The following PLXDC2 variants were observed in gnomAD, a reference collection of about 807,000 sequenced individuals.
The protein encoded by PLXDC2 is plexin domain-containing protein 2.
A neutral mutation model predicts 68.9 loss-of-function variants in PLXDC2; 40 were observed. That is an observed-to-expected ratio of 0.58 (90% CI 0.45 to 0.76). The LOEUF (loss-of-function observed/expected upper bound fraction) is 0.76. Among genes scored for constraint, PLXDC2 ranks in the 30% least tolerant of loss-of-function variants. The probability of loss-of-function intolerance (pLI) is 0.00; values close to 1 mark genes in which losing one functional copy is unlikely to be tolerated. For synonymous variants in PLXDC2, 243 were observed against 234.2 expected (o/e 1.04, Z -0.34); for missense variants, 644 against 661.9 (o/e 0.97, Z 0.30).
chr10:20,022,013 G>T (rs1835320183), intron 2 of PLXDC2, among the ~76,000 whole-genome samples: 1 of 152,164 alleles, frequency 6.6e-6, no homozygotes, highest in South Asian at 2.1e-4. Context: ...TTATTTTGTA[G>T]ACATCTGCTT....
At chr10:19,891,184 T>C (rs1375386600) in intron 1 of PLXDC2, among the ~76,000 whole-genome samples, 1 of 152,214 alleles carries the variant, frequency 6.6e-6, no homozygotes, top group Non-Finnish European at 1.5e-5. Context: ...TATGCTGCAT[T>C]GTCCTTAAAA....
At chr10:20,039,635 G>T (rs1042437288) in intron 2 of PLXDC2, among the ~76,000 whole-genome samples, 1 of 151,778 alleles carries the variant, frequency 6.6e-6, no homozygotes, top group South Asian at 2.1e-4. Flanking sequence ...ATATGTTGGC[G>T]GTTTGATTAA....
At chr10:20,139,440 A>T (rs934754617) in intron 4 of PLXDC2, among the ~76,000 whole-genome samples, 1 of 152,254 alleles carries the variant, frequency 6.6e-6, no homozygotes, top group Non-Finnish European at 1.5e-5. Context: ...CATAGTAAGC[A>T]AAGGAGACAT....
At chr10:20,121,992 A>G (rs556763942) in intron 4 of PLXDC2, among the ~76,000 whole-genome samples, 2 of 152,084 alleles carry the variant, frequency 1.3e-5, no homozygotes, top group South Asian at 2.1e-4. Context: ...GAGTAGAGGT[A>G]TCTTATACTT....
rs181204571 is a variant in PLXDC2 at position 19,883,430 on chromosome 10, A to T, written c.112+66239A>T. The stretch of plus-strand genomic sequence containing the variant: ...TCACTATGCAGATTATTTTGTCCAG[A>T]TTTAATATTCATAGCATGAAATTCA... On this transcript the variant is annotated intron_variant, in intron 1 of 13. Transcript: ENST00000377252. 9.7e-4 allele frequency among the ~76,000 whole-genome samples: 148 copies of T among 152,250 alleles called. 2 individuals are homozygous for T. In the Middle Eastern group the frequency reaches 0.021, roughly 21 times the overall value.
intron 1 of PLXDC2, among the ~76,000 whole-genome samples, chr10:19,903,429 T>C (rs1247300836): frequency 6.6e-6 from 1 of 151,972 alleles, no homozygotes; most frequent in Admixed American, 6.6e-5. Flanking sequence ...CAGGAATTTA[T>C]CCATCTCCTC....
intron 1 of PLXDC2, among the ~76,000 whole-genome samples, chr10:19,862,482 G>A (rs970475862): frequency 4.6e-5 from 7 of 152,282 alleles, no homozygotes; most frequent in Middle Eastern, 3.4e-3. Flanking sequence ...TAAAGATAGC[G>A]AAGCGTTACA....
chr10:20,271,905 T>C (rs1474320734), intron 13 of PLXDC2, among the ~76,000 whole-genome samples: 1 of 152,222 alleles, frequency 6.6e-6, no homozygotes, highest in South Asian at 2.1e-4. Flanking sequence ...CCCGTTCAAG[T>C]TTTTATGTAC....
chr10:19,898,730 C>T (rs1466222969), intron 1 of PLXDC2, among the ~76,000 whole-genome samples: 2 of 152,040 alleles, frequency 1.3e-5, no homozygotes, highest in Admixed American at 1.3e-4. Flanking sequence ...CAAAATCCAG[C>T]GTACTTAGTT....
At chr10:20,015,371 T>G (rs151142319) in intron 2 of PLXDC2, among the ~76,000 whole-genome samples, 109 of 152,280 alleles carry the variant, frequency 7.2e-4, no homozygotes, top group African/African-American at 2.5e-3. Flanking sequence ...TGTGTTTGTG[T>G]GTGAGTTTGT....
intron 1 of PLXDC2, among the ~76,000 whole-genome samples, chr10:19,937,627 A>G (rs1833748510): frequency 6.8e-6 from 1 of 146,734 alleles, no homozygotes; most frequent in African/African-American, 2.5e-5. Context: ...TCATCAGAAT[A>G]TTGTCCCAAC....
At chr10:20,134,203 C>G (rs1375331596) in intron 4 of PLXDC2, among the ~76,000 whole-genome samples, 2 of 152,192 alleles carry the variant, frequency 1.3e-5, no homozygotes, top group Non-Finnish European at 2.9e-5. Context: ...TCAGGCAGTT[C>G]ATAGATCTCC....
chr10:19,969,294 C>T (rs926144021), intron 1 of PLXDC2, among the ~76,000 whole-genome samples: 4 of 152,326 alleles, frequency 2.6e-5, no homozygotes, highest in South Asian at 2.1e-4. Context: ...TACATATGTA[C>T]TCGGTTTCTG....
chr10:20,171,200 C>T (rs1834441921), intron 7 of PLXDC2, among the ~76,000 whole-genome samples: 1 of 152,004 alleles, frequency 6.6e-6, no homozygotes, highest in Non-Finnish European at 1.5e-5. Context: ...TTTCTAGAAC[C>T]CAGTGCAAGC....
At chr10:20,244,995 TC>T in intron 12 of PLXDC2, among the ~76,000 whole-genome samples, 1 of 152,214 alleles carries the variant, frequency 6.6e-6, no homozygotes, top group East Asian at 1.9e-4. Flanking sequence ...ACACCTGTAA[TC>T]CCAGCTACTC....
At chr10:19,992,905 T>C (rs77513022) in intron 1 of PLXDC2, among the ~76,000 whole-genome samples, 1 of 152,218 alleles carries the variant, frequency 6.6e-6, no homozygotes, top group Admixed American at 6.5e-5. Context: ...TCTTGTGTTA[T>C]ATCACTAGGC....
At chr10:19,987,820 G>T (rs981889831) in intron 1 of PLXDC2, among the ~76,000 whole-genome samples, 2 of 152,056 alleles carry the variant, frequency 1.3e-5, no homozygotes, top group Non-Finnish European at 2.9e-5. Flanking sequence ...CTCCCGCCTT[G>T]ACCTCCCAAA....
At chr10:20,144,959 T>G (rs754308055) in intron 5 of PLXDC2, among the ~76,000 whole-genome samples, 8 of 152,348 alleles carry the variant, frequency 5.3e-5, no homozygotes, top group Non-Finnish European at 8.8e-5. Flanking sequence ...CGTATTTGAA[T>G]GATTTTTAAA....
At chr10:20,082,222 T>C (rs925642611) in intron 4 of PLXDC2, among the ~76,000 whole-genome samples, 3 of 151,930 alleles carry the variant, frequency 2.0e-5, no homozygotes, top group Middle Eastern at 3.4e-3. Flanking sequence ...AGTTAATAAT[T>C]CAGCTAATTA....
Sources: allele counts gnomAD v4.1 joint callset (sites outside exome capture counted in the v4.1 genomes callset), GRCh38; gene constraint gnomAD v4.1.1; transcripts MANE v1.5; gene names NCBI Gene and HGNC (gene_info 2026-07-23, HGNC 2026-07-21).